The following DIAPH3 variants were observed in gnomAD, a reference collection of about 807,000 sequenced individuals.
DIAPH3 encodes diaphanous related formin 3.
DIAPH3 carries 117 observed loss-of-function variants against 144.3 expected under a neutral mutation model. The observed-to-expected ratio is 0.81, with a 90% CI of 0.70 to 0.95. The LOEUF (loss-of-function observed/expected upper bound fraction) is 0.95, where lower values mean the gene tolerates loss of function less well. DIAPH3 is among the 40% of genes least tolerant of loss of function. The probability of loss-of-function intolerance (pLI) is 0.00; values close to 1 mark genes in which losing one functional copy is unlikely to be tolerated. For missense variants in DIAPH3, 1,421 were observed against 1,412.7 expected (o/e 1.01, Z -0.09); for synonymous variants, 519 against 488.9 (o/e 1.06, Z -0.81).
intron 4 of DIAPH3, among the ~76,000 whole-genome samples, chr13:60,078,210 G>T (rs2057438320): frequency 6.6e-6 from 1 of 152,046 alleles, no homozygotes; most frequent in Admixed American, 6.6e-5. Flanking sequence ...CACAAAAAGG[G>T]AGAACCAAAG....
chr13:59,937,617 A>T (rs903688581), intron 17 of DIAPH3, among the ~76,000 whole-genome samples: 1 of 152,232 alleles, frequency 6.6e-6, no homozygotes, highest in African/African-American at 2.4e-5. Context: ...AAACAGCCAG[A>T]GTGATTATCC....
Position 59,863,124 on chromosome 13 carries a change from T to C in DIAPH3, c.2608-1588A>G, listed in dbSNP as rs2043700818. Among the ~76,000 whole-genome samples, 5 of 152,272 alleles carry C rather than the reference T, an allele frequency of 3.3e-5. No homozygotes were observed. In the South Asian group the frequency reaches 8.3e-4, roughly 25 times the overall value. ...CAATCACAGGGAGAGGTAGTTAAGCTAAAACTTCAACAATGATAAAAGTTA... is the reference window on the plus strand; with the variant it reads ...CAATCACAGGGAGAGGTAGTTAAGCCAAAACTTCAACAATGATAAAAGTTA... On this transcript the variant is annotated intron_variant, in intron 21 of 27. Coordinates refer to ENST00000400324, the MANE Select transcript of DIAPH3 (RefSeq NM_001042517.2).
At chr13:59,725,847 G>A (rs1301198785) in intron 27 of DIAPH3, among the ~76,000 whole-genome samples, 6 of 152,088 alleles carry the variant, frequency 3.9e-5, no homozygotes, top group East Asian at 3.8e-4. Context: ...GCTAGAACAC[G>A]AATGCCACCA....
At chr13:59,726,025 T>C (rs2035588119) in intron 27 of DIAPH3, among the ~76,000 whole-genome samples, 1 of 152,186 alleles carries the variant, frequency 6.6e-6, no homozygotes, top group African/African-American at 2.4e-5. Flanking sequence ...GGGAAATATT[T>C]CTCTTGAAAA....
Position 59,990,176 on chromosome 13 carries a change from G to C in DIAPH3, c.1361+982C>G, listed in dbSNP as rs567715043. The stretch of plus-strand genomic sequence containing the variant: ...ACTAAACTCATATTTTAGAATATCA[G>C]TGGGATTTCTGGCTACAAAGAGAGT... On this transcript the variant is annotated intron_variant, in intron 12 of 27. Coordinates refer to ENST00000400324, the MANE Select transcript of DIAPH3 (RefSeq NM_001042517.2). Among the ~76,000 whole-genome samples, 140 of 151,828 alleles carry C rather than the reference G, an allele frequency of 9.2e-4. 2 individuals are homozygous for C. The highest frequency in any genetic ancestry group is 3.3e-3 in the African/African-American group (137 of 41,466).
At chr13:59,893,921 A>C (rs2045950869) in intron 20 of DIAPH3, among the ~76,000 whole-genome samples, 2 of 152,138 alleles carry the variant, frequency 1.3e-5, no homozygotes, top group African/African-American at 4.8e-5. Flanking sequence ...TAAGAACGAC[A>C]GCTTGCTGTG....
At position 59,879,396 on chromosome 13, in the gene DIAPH3, T is replaced by C; in HGVS notation, c.2440A>G (p.Asn814Asp). The C allele has an allele frequency of 6.2e-7, 1 of 1,613,876 alleles. No individual in the cohort carries two copies. The highest frequency in any genetic ancestry group is 8.5e-7 in the Non-Finnish European group (1 of 1,179,854). Residue 814 changes from asparagine (N) to aspartate (D), a missense_variant, in exon 21 of 28, where the codon AAC becomes GAC. Transcript: ENST00000400324. ...GCCATGATGTCAGGTTTGATGTTGT[T>C]CACCTGCTCTTCAAACTGAAGCTTA... ...LFKLQFEEQVNNIKPDIMAVS... is the reference protein window; with the variant it reads ...LFKLQFEEQVDNIKPDIMAVS...
chr13:60,031,646 T>C (rs2054801802), intron 5 of DIAPH3, among the ~76,000 whole-genome samples: 2 of 149,444 alleles, frequency 1.3e-5, no homozygotes, highest in African/African-American at 4.9e-5. Context: ...AGGTAAACAT[T>C]CCCATTCCAA....
chr13:59,977,006 T>C (rs770118029), intron 14 of DIAPH3, among the ~76,000 whole-genome samples: 1 of 151,848 alleles, frequency 6.6e-6, no homozygotes, highest in Non-Finnish European at 1.5e-5. Context: ...ATTATAATCA[T>C]TACTATCTAA....
intron 2 of DIAPH3, among the ~76,000 whole-genome samples, chr13:60,119,714 T>C (rs2058791778): frequency 8.8e-6 from 1 of 114,212 alleles, no homozygotes; most frequent in Non-Finnish European, 1.6e-5. Context: ...GCCACTGCAC[T>C]CCAGCCTGGG....
At chr13:59,818,048 G>A (rs1208646268) in intron 24 of DIAPH3, among the ~76,000 whole-genome samples, 5 of 151,512 alleles carry the variant, frequency 3.3e-5, no homozygotes, top group African/African-American at 4.8e-5. Flanking sequence ...AGAGGCTATC[G>A]AACTATAATC....
chr13:59,840,724 T>C (rs776801287), intron 22 of DIAPH3, among the ~76,000 whole-genome samples: 9 of 152,100 alleles, frequency 5.9e-5, no homozygotes, highest in Non-Finnish European at 1.2e-4. Flanking sequence ...ATATAATACT[T>C]GTTTGTGCTT....
chr13:59,793,010 C>T (rs2139415231), intron 25 of DIAPH3, among the ~76,000 whole-genome samples: 1 of 152,302 alleles, frequency 6.6e-6, no homozygotes, highest in East Asian at 1.9e-4. Flanking sequence ...GGTTTACATG[C>T]TTACACACTT....
chr13:59,838,892 T>C (rs2042181506), intron 23 of DIAPH3: 2 of 163,238 alleles, frequency 1.2e-5, no homozygotes, highest in South Asian at 3.3e-4. Context: ...GCAGATCACT[T>C]GAGGTCAGGA....
At position 59,837,911 on chromosome 13, in the gene DIAPH3, TATG is replaced by T. The variant is rs1346897864; in HGVS notation, c.2862+1410_2862+1412del. Reference sequence around the variant, plus strand: ...ATTGATTGTTGCTGGAGTATATTTTTATGATATTTCCCGACAGAGACAGTGAAG... The same window carrying T: ...ATTGATTGTTGCTGGAGTATATTTTTATATTTCCCGACAGAGACAGTGAAG... On this transcript the variant is annotated intron_variant, in intron 23 of 27. Coordinates refer to ENST00000400324, the MANE Select transcript of DIAPH3 (RefSeq NM_001042517.2). The T allele has an allele frequency of 5.9e-5, 9 of 152,278 alleles. No homozygotes were observed. The East Asian group carries it at 9.6e-4, about 16-fold the overall frequency. 9.4% of individuals were successfully genotyped at this position (152,278 alleles called of 1,614,324 possible).
chr13:60,069,021 T>C lies in DIAPH3; in HGVS notation c.495+24607A>G, dbSNP rs550966402. On this transcript the variant is annotated intron_variant, in intron 4 of 27. Transcript: ENST00000400324. ...ATACTCAGTAATGGGATTGCTGGACTGAATGGTGGTTGTTTTTAGGTCTTT... is the reference window on the plus strand; with the variant it reads ...ATACTCAGTAATGGGATTGCTGGACCGAATGGTGGTTGTTTTTAGGTCTTT... Among the ~76,000 whole-genome samples, 10 of 152,314 alleles carry C rather than the reference T, an allele frequency of 6.6e-5. No homozygotes were observed. In the South Asian group the frequency reaches 2.1e-3, roughly 32 times the overall value.
intron 24 of DIAPH3, among the ~76,000 whole-genome samples, chr13:59,817,038 T>A (rs1286256879): frequency 2.0e-5 from 3 of 151,868 alleles, no homozygotes. Flanking sequence ...AATTTCATCC[T>A]TTTAATTTTA....
chr13:59,990,800 TGTTTA>T (rs1403142583), intron 12 of DIAPH3, among the ~76,000 whole-genome samples: 1 of 152,008 alleles, frequency 6.6e-6, no homozygotes, highest in Non-Finnish European at 1.5e-5. Flanking sequence ...ATAAAAGCAA[TGTTTA>T]GTGCCCTTCA....
chr13:59,867,650 T>C (rs539622124), intron 21 of DIAPH3, among the ~76,000 whole-genome samples: 1 of 152,164 alleles, frequency 6.6e-6, no homozygotes, highest in Non-Finnish European at 1.5e-5. Flanking sequence ...TTACAGTGAG[T>C]GTAGAAACTT....
Sources: allele counts gnomAD v4.1 joint callset (sites outside exome capture counted in the v4.1 genomes callset), GRCh38; gene constraint gnomAD v4.1.1; transcripts MANE v1.5; gene names NCBI Gene and HGNC (gene_info 2026-07-23, HGNC 2026-07-21).